The following GXYLT2 variants were observed in gnomAD, a reference collection of about 807,000 sequenced individuals.
The protein encoded by GXYLT2 is glycosyltransferase 8 domain containing 4.
In GXYLT2, 53 loss-of-function variants were observed where a neutral mutation model predicts 45.8. That is an observed-to-expected ratio of 1.16 (90% CI 0.93 to 1.46). The LOEUF (loss-of-function observed/expected upper bound fraction) is 1.46. GXYLT2 is among the 40% of genes most tolerant of loss of function. The pLI, the probability that GXYLT2 is intolerant of heterozygous loss-of-function variation, is 0.00. For synonymous variants in GXYLT2, 219 were observed against 214.2 expected, an observed-to-expected ratio of 1.02 and a Z score of -0.19; for missense variants, 551 against 544.4, an observed-to-expected ratio of 1.01 and a Z score of -0.12.
chr3:72,929,091 C>A, intron 3 of GXYLT2: 1 of 1,590,832 alleles, frequency 6.3e-7, no homozygotes, highest in Non-Finnish European at 8.5e-7. Flanking sequence ...CACCAGGACT[C>A]AGAGGCCGTC....
chr3:72,938,082 A>G (rs1245564350), intron 3 of GXYLT2, among the ~76,000 whole-genome samples: 2 of 152,146 alleles, frequency 1.3e-5, no homozygotes, highest in East Asian at 3.9e-4. Flanking sequence ...ACACAGTGAG[A>G]TCCTCTCTAC....
At chr3:72,940,675 G>A (rs1303837472) in intron 3 of GXYLT2, among the ~76,000 whole-genome samples, 3 of 152,100 alleles carry the variant, frequency 2.0e-5, no homozygotes, top group African/African-American at 4.8e-5. Context: ...CAGACAACTC[G>A]TGTTTTGTTT....
intron 1 of GXYLT2, among the ~76,000 whole-genome samples, chr3:72,903,776 T>C (rs1709450885): frequency 6.6e-6 from 1 of 152,180 alleles, no homozygotes; most frequent in South Asian, 2.1e-4. Flanking sequence ...ATCAGGTGAA[T>C]ATGAGCGAGG....
At chr3:72,946,276 GAAAAAAAAAAAAAAAA>G (rs57450041) in intron 3 of GXYLT2, among the ~76,000 whole-genome samples, 4 of 59,446 alleles carry the variant, frequency 6.7e-5, no homozygotes, top group Non-Finnish European at 1.5e-4. Context: ...GACCCTGTCT[GAAAAAAAAAAAAAAAA>G]AAAAAAAAAA....
In GXYLT2 at chr3:72,922,452, T is replaced by C; in HGVS notation, c.600+117T>C. On this transcript the variant is annotated intron_variant, in intron 3 of 6. Coordinates refer to ENST00000389617, the MANE Select transcript of GXYLT2 (RefSeq NM_001080393.2). Reference sequence around the variant, plus strand: ...CTGAAAACCTGTGTCTCTTGGATTCTGGAGCTGATGCTCTAAGTCTGCAGC... The same window carrying C: ...CTGAAAACCTGTGTCTCTTGGATTCCGGAGCTGATGCTCTAAGTCTGCAGC... The C allele has an allele frequency of 3.0e-6, 3 of 985,964 alleles. No homozygotes were observed. In the East Asian group the frequency reaches 7.6e-5, roughly 25 times the overall value. 61.1% of individuals were successfully genotyped at this position (985,964 alleles called of 1,614,324 possible).
Position 72,943,624 on chromosome 3 carries a change from G to A in GXYLT2, c.601-11474G>A, listed in dbSNP as rs6776624. ...ACTCCTGGCCTCAAGTGATCCTCCT[G>A]CCTTGGCCTCCCAAAGTGCTGGGAT... On this transcript the variant is annotated intron_variant, in intron 3 of 6. Coordinates refer to ENST00000389617, the MANE Select transcript of GXYLT2 (RefSeq NM_001080393.2). Among the ~76,000 whole-genome samples, 6 of 151,932 alleles carry A rather than the reference G, an allele frequency of 3.9e-5. No individual in the cohort carries two copies. The East Asian group carries it at 1.2e-3, about 29-fold the overall frequency.
At chr3:72,894,286 C>CA (rs1244791476) in intron 1 of GXYLT2, among the ~76,000 whole-genome samples, 5 of 152,114 alleles carry the variant, frequency 3.3e-5, no homozygotes, top group African/African-American at 1.2e-4. Context: ...TTACTGCATC[C>CA]AAAATCATCT....
intron 2 of GXYLT2, among the ~76,000 whole-genome samples, chr3:72,920,409 A>G (rs1709810656): frequency 6.6e-6 from 1 of 152,156 alleles, no homozygotes; most frequent in Admixed American, 6.5e-5. Flanking sequence ...TCATGAGATT[A>G]CAGGCGTCAG....
At chr3:72,940,336 G>A (rs1710276279) in intron 3 of GXYLT2, among the ~76,000 whole-genome samples, 1 of 152,074 alleles carries the variant, frequency 6.6e-6, no homozygotes, top group Admixed American at 6.5e-5. Context: ...TTATATCCAA[G>A]TCAGAAAAGA....
At chr3:72,907,040 C>T (rs1709524916) in intron 1 of GXYLT2, among the ~76,000 whole-genome samples, 1 of 152,140 alleles carries the variant, frequency 6.6e-6, no homozygotes, top group Non-Finnish European at 1.5e-5. Flanking sequence ...ACAGGTGGAC[C>T]ACCCAGAGGG....
intron 3 of GXYLT2, among the ~76,000 whole-genome samples, chr3:72,950,888 G>C (rs1161337748): frequency 6.6e-6 from 1 of 152,182 alleles, no homozygotes; most frequent in Non-Finnish European, 1.5e-5. Flanking sequence ...GGAGGTGGGT[G>C]CCCAGGTTAG....
At chr3:72,922,012 T>C (rs1266063871) in intron 2 of GXYLT2, among the ~76,000 whole-genome samples, 192 bp from the exon 3 acceptor site, 3 of 152,210 alleles carry the variant, frequency 2.0e-5, no homozygotes, top group Non-Finnish European at 4.4e-5. Context: ...GTGAATGTTA[T>C]TTTTTAAAAT....
At chr3:72,970,518 G>C (rs1710967467) in intron 6 of GXYLT2, among the ~76,000 whole-genome samples, 1 of 151,880 alleles carries the variant, frequency 6.6e-6, no homozygotes, top group Non-Finnish European at 1.5e-5. Flanking sequence ...ATGAAAAAAA[G>C]AAAGTATGCA....
Position 72,927,829 on chromosome 3 carries a change from C to T in GXYLT2, c.600+5494C>T, listed in dbSNP as rs143051430. On this transcript the variant is annotated intron_variant, in intron 3 of 6. Transcript: ENST00000389617. ...TTTGTTGAACAAGCTTTCCACAGTACTTATCATTTACTCATACACTATTAA... is the reference window on the plus strand; with the variant it reads ...TTTGTTGAACAAGCTTTCCACAGTATTTATCATTTACTCATACACTATTAA... Among the ~76,000 whole-genome samples, 89 of 152,302 alleles carry T rather than the reference C, an allele frequency of 5.8e-4. No homozygotes were observed. The Middle Eastern group carries it at 0.017, about 29-fold the overall frequency.
At chr3:72,974,208 T>TA in intron 6 of GXYLT2, among the ~76,000 whole-genome samples, 1 of 152,340 alleles carries the variant, frequency 6.6e-6, no homozygotes, top group South Asian at 2.1e-4. Flanking sequence ...CTGAAAGATT[T>TA]ATTTTGGGTT....
At chr3:72,912,559 CAT>C (rs1190735930) in intron 2 of GXYLT2, among the ~76,000 whole-genome samples, 2 of 152,110 alleles carry the variant, frequency 1.3e-5, no homozygotes, top group Admixed American at 1.3e-4. Flanking sequence ...CATACACAAA[CAT>C]ATATGTATGT....
rs115946008 is a variant in GXYLT2, at chr3:72,947,235, C to T, written c.601-7863C>T. On this transcript the variant is annotated intron_variant, in intron 3 of 6. Coordinates refer to ENST00000389617, the MANE Select transcript of GXYLT2 (RefSeq NM_001080393.2). Reference sequence around the variant, plus strand: ...ACAAAGATAGAAACAAATATTTAAGCGCATCTCAGATAGAGAAGACCCTGG... The same window carrying T: ...ACAAAGATAGAAACAAATATTTAAGTGCATCTCAGATAGAGAAGACCCTGG... Among the ~76,000 whole-genome samples, 722 of 152,116 alleles carry T rather than the reference C, an allele frequency of 4.7e-3. 7 individuals carry two copies. Among genetic ancestry groups the T allele is most frequent in the African/African-American group, 0.016 (662 of 41,498 alleles).
intron 1 of GXYLT2, 26 bp from the exon 2 acceptor site, chr3:72,908,341 C>T: frequency 1.3e-6 from 2 of 1,551,432 alleles, no homozygotes; most frequent in Non-Finnish European, 1.7e-6. Flanking sequence ...TTAGTAATAG[C>T]TTTCACTTGT....
At chr3:72,942,467 A>G (rs527512734) in intron 3 of GXYLT2, among the ~76,000 whole-genome samples, 5 of 152,196 alleles carry the variant, frequency 3.3e-5, no homozygotes, top group African/African-American at 4.8e-5. Flanking sequence ...AACCAGAAAC[A>G]TGATATTTGT....
Sources: allele counts gnomAD v4.1 joint callset (sites outside exome capture counted in the v4.1 genomes callset), GRCh38; gene constraint gnomAD v4.1.1; transcripts MANE v1.5; gene names NCBI Gene and HGNC (gene_info 2026-07-23, HGNC 2026-07-21).